Variants in ZNF778 observed in about 807,000 individuals in gnomAD.
ZNF778 encodes zinc finger protein 778.
Under a neutral mutation model 23.9 loss-of-function variants are expected in ZNF778, and 37 were observed. The observed-to-expected ratio is 1.54, with a 90% CI of 1.19 to 2.03. The LOEUF (loss-of-function observed/expected upper bound fraction) is 2.03. Ranked by LOEUF, ZNF778 falls within the 30% of genes most tolerant of loss-of-function variation. The pLI, the probability that ZNF778 is intolerant of heterozygous loss-of-function variation, is 0.00. For synonymous variants in ZNF778, 483 were observed against 343.9 expected (o/e 1.40, Z -4.48); for missense variants, 1,297 against 934.4 (o/e 1.39, Z -5.06).
chr16:89,235,996 A>T lies in ZNF778; in HGVS notation c.*7434A>T, dbSNP rs150801762. The T allele has an allele frequency of 4.0e-4, 1 of 2,470 alleles. No homozygotes were observed. 0.2% of individuals were successfully genotyped at this position (2,470 alleles called of 1,614,324 possible). ...ACACAGTGAAACCTCGTCTCTAGTAAAAAAAAAAAAAAAAAAGAAAAATAC... is the reference window on the plus strand; with the variant it reads ...ACACAGTGAAACCTCGTCTCTAGTATAAAAAAAAAAAAAAAAGAAAAATAC... On this transcript the variant is annotated 3_prime_UTR_variant, in exon 7 of 7. Coordinates refer to ENST00000433976, the MANE Select transcript of ZNF778 (RefSeq NM_001201407.2).
chr16:89,219,159 G>C (rs61124015), intron 1 of ZNF778, among the ~76,000 whole-genome samples: 14,747 of 151,782 alleles, frequency 0.097, 1,769 homozygotes, highest in African/African-American at 0.29. Flanking sequence ...TGTCTACTTT[G>C]TGTAATATCT....
chr16:89,219,517 C>T (rs1044027834), intron 1 of ZNF778, among the ~76,000 whole-genome samples: 4 of 152,038 alleles, frequency 2.6e-5, no homozygotes, highest in Non-Finnish European at 4.4e-5. Flanking sequence ...TGGTTCCAAG[C>T]CCCAGCCTAT....
At chr16:89,226,132 G>A (rs1329020671) in intron 6 of ZNF778, among the ~76,000 whole-genome samples, 1 of 151,682 alleles carries the variant, frequency 6.6e-6, no homozygotes, top group Non-Finnish European at 1.5e-5. Flanking sequence ...GGATGGTCTC[G>A]ATCTCTTGAC....
chr16:89,221,090 G>A lies in ZNF778; in HGVS notation c.-38G>A. On this transcript the variant is annotated 5_prime_UTR_variant, in exon 2 of 7. Coordinates refer to ENST00000433976, the MANE Select transcript of ZNF778 (RefSeq NM_001201407.2). ...CTGCCCTGCAGTGGCCTTGGCTTCA[G>A]GAAAGGAGCATTCAGACGCTTCCGT... 2 of 1,560,844 alleles carry A rather than the reference G, an allele frequency of 1.3e-6. No individual in the cohort carries two copies. The highest frequency in any genetic ancestry group is 8.7e-7 in the Non-Finnish European group (1 of 1,152,114).
chr16:89,230,111 C>A lies in ZNF778; in HGVS notation c.*1549C>A. The A allele has an allele frequency of 6.0e-6, 5 of 827,890 alleles. No homozygotes were observed. Among genetic ancestry groups the A allele is most frequent in the Non-Finnish European group, 7.3e-6 (5 of 687,108 alleles). 51.3% of individuals were successfully genotyped at this position (827,890 alleles called of 1,614,324 possible). A position where few individuals can be genotyped will look rare whatever the true frequency, so the allele number is the denominator to read the frequency against. Reference sequence around the variant, plus strand: ...TAGGCATGACCCACCTGTAGGGTCCCACACTGGCCAATGTTGGGGCATAAC... The same window carrying A: ...TAGGCATGACCCACCTGTAGGGTCCAACACTGGCCAATGTTGGGGCATAAC... On this transcript the variant is annotated 3_prime_UTR_variant, in exon 7 of 7. Transcript: ENST00000433976.
rs1365668599 is a variant in ZNF778 at position 89,220,431 on chromosome 16, G to T, written c.-131-566G>T. ...TCAACACTTTGGGAGGCCGAGGTGG[G>T]CGGATCACGAGGTCAGGAGATCAAG... On this transcript the variant is annotated intron_variant, in intron 1 of 6. Transcript: ENST00000433976. 5.9e-5 allele frequency among the ~76,000 whole-genome samples: 9 copies of T among 152,290 alleles called. No individual in the cohort carries two copies. In the East Asian group the frequency reaches 1.4e-3, roughly 23 times the overall value.
Position 89,228,386 on chromosome 16 carries a change from C to A in ZNF778, c.2098C>A (p.Pro700Thr), listed in dbSNP as rs547800737. Residue 700 changes from proline (P) to threonine (T), a missense_variant, in exon 7 of 7, where the codon CCC (proline) becomes ACC (threonine). Physicochemically the swap from Pro to Thr is conservative, Grantham distance 38. Transcript: ENST00000433976. ...KHGRIHTGQKPYKCKECGKAY... is the reference protein window; with the variant it reads ...KHGRIHTGQKTYKCKECGKAY... The stretch of plus-strand genomic sequence containing the variant: ...TGGAAGAATTCACACTGGGCAGAAA[C>A]CCTATAAATGTAAGGAATGTGGGAA... 3.8e-5 allele frequency: 61 copies of A among 1,613,766 alleles called. No individual in the cohort carries two copies. In the East Asian group the frequency reaches 1.1e-3, roughly 29 times the overall value.
In ZNF778 at chr16:89,233,036, ATGCAACTCAGCTCGCTCTGCG is replaced by A. The variant is rs2032040052; in HGVS notation, c.*4476_*4496del. The A allele has an allele frequency of 3.1e-6, 4 of 1,275,556 alleles. No individual in the cohort carries two copies. Among genetic ancestry groups the A allele is most frequent in the Admixed American group, 2.4e-5 (1 of 42,324 alleles). The allele number at this position is 1,275,556 out of a possible 1,614,324, so 79.0% of individuals were successfully genotyped here. ...GTATGCAACTCAAGTCGCACTGCGT[ATGCAACTCAGCTCGCTCTGCG>A]TATGCAACTCAGCTCGCACTGCGTA... is the stretch of plus-strand genomic sequence containing the variant. On this transcript the variant is annotated 3_prime_UTR_variant, in exon 7 of 7. Transcript: ENST00000433976.
Position 89,224,800 on chromosome 16 carries a change from A to G in ZNF778, c.326A>G (p.Gln109Arg). Residue 109 changes from glutamine to arginine, a missense_variant and splice_region_variant, in exon 5 of 7, where the codon CAA (glutamine) becomes CGA (arginine). Physicochemically the swap from Gln to Arg is conservative, Grantham distance 43 (BLOSUM62 1). Transcript: ENST00000433976. ...AGGGCAGGGCGGAGAGCAGTTCTCCAAGGTAAGTGTGAAGAGCACGCCTGG... is the reference window on the plus strand; with the variant it reads ...AGGGCAGGGCGGAGAGCAGTTCTCCGAGGTAAGTGTGAAGAGCACGCCTGG... The part of the protein sequence containing the change: ...ELRAGRRAVL[Q>R]EWRLKTKGPA... The G allele has an allele frequency of 8.2e-7, 1 of 1,222,744 alleles. No individual in the cohort carries two copies. Among genetic ancestry groups the G allele is most frequent in the Non-Finnish European group, 1.1e-6 (1 of 904,732 alleles). 75.7% of individuals were successfully genotyped at this position (1,222,744 alleles called of 1,614,324 possible). A position where few individuals can be genotyped will look rare whatever the true frequency, so the allele number is the denominator to read the frequency against.
Position 89,232,745 on chromosome 16 carries a change from T to C in ZNF778, c.*4183T>C. 7.8e-7 allele frequency: 1 copy of C among 1,284,636 alleles called. No homozygotes were observed. Among genetic ancestry groups the C allele is most frequent in the Non-Finnish European group, 1.0e-6 (1 of 985,084 alleles). The allele number at this position is 1,284,636 out of a possible 1,614,324, so 79.6% of individuals were successfully genotyped here. A position where few individuals can be genotyped will look rare whatever the true frequency, so the allele number is the denominator to read the frequency against. ...TCATTCCTAAAGATGGTAAACAACT[T>C]GCTGGAAACATGCACTGCATATACA... is the stretch of plus-strand genomic sequence containing the variant. On this transcript the variant is annotated 3_prime_UTR_variant, in exon 7 of 7. Transcript: ENST00000433976.
chr16:89,225,487 C>T, intron 5 of ZNF778, 68 bp from the exon 6 acceptor site: 2 of 1,268,274 alleles, frequency 1.6e-6, no homozygotes, highest in East Asian at 2.5e-5. Context: ...TTTTTTTCTG[C>T]CATGTCTTAT....
chr16:89,228,525 A>T lies in ZNF778; in HGVS notation c.2237A>T (p.His746Leu), dbSNP rs374950204. The T allele has an allele frequency of 6.2e-7, 1 of 1,600,452 alleles. No individual in the cohort carries two copies. Among genetic ancestry groups the T allele is most frequent in the South Asian group, 1.1e-5 (1 of 88,364 alleles). ...TTTAAGAATTCCTCATGCCTTAACC[A>T]TCACACTCAAATTCACACTGATGAG... is the stretch of plus-strand genomic sequence containing the variant. ...KSFKNSSCLNHHTQIHTDEKP... is the reference protein window; with the variant it reads ...KSFKNSSCLNLHTQIHTDEKP... The change falls in exon 7 of 7, where the codon CAT becomes CTT. Residue 746 changes from histidine (H) to leucine (L), a missense_variant. Transcript: ENST00000433976.
In ZNF778 at chr16:89,234,056, T is replaced by A; in HGVS notation, c.*5494T>A. 1 of 754,042 alleles carries A rather than the reference T, an allele frequency of 1.3e-6. No homozygotes were observed. The highest frequency in any genetic ancestry group is 1.8e-5 in the African/African-American group (1 of 55,730). The allele number at this position is 754,042 out of a possible 1,614,324, so 46.7% of individuals were successfully genotyped here. A position where few individuals can be genotyped will look rare whatever the true frequency, so the allele number is the denominator to read the frequency against. On this transcript the variant is annotated 3_prime_UTR_variant, in exon 7 of 7. Transcript: ENST00000433976. The stretch of plus-strand genomic sequence containing the variant: ...TCCCCTGGCTCTGACTTCTGCCTCC[T>A]GCCCAGCTCTGCAGCTCCCCTTGGG...
At chr16:89,224,895 C>A (rs2031327670) in intron 5 of ZNF778, 93 bp downstream of exon 5, 2 of 943,518 alleles carry the variant, frequency 2.1e-6, no homozygotes, top group South Asian at 1.4e-5. Flanking sequence ...AGGATTGTGT[C>A]AAGTTAAGCG....
At chr16:89,220,723 C>T (rs2030849933) in intron 1 of ZNF778, among the ~76,000 whole-genome samples, 1 of 152,176 alleles carries the variant, frequency 6.6e-6, no homozygotes, top group African/African-American at 2.4e-5. Flanking sequence ...TTCACCACTT[C>T]CTAAGTGGAT....
intron 2 of ZNF778, 38 bp from the exon 3 acceptor site, chr16:89,222,054 C>T (rs377187149): frequency 8.0e-6 from 12 of 1,495,250 alleles, no homozygotes; most frequent in South Asian, 2.4e-5. Flanking sequence ...AGGGTCAGCT[C>T]TGGGTTCTCA....
rs2030879536 is a variant in ZNF778, at chr16:89,221,001, T to C, written c.-127T>C. 2.0e-6 allele frequency: 2 copies of C among 981,228 alleles called. No homozygotes were observed. The highest frequency in any genetic ancestry group is 3.2e-5 in the African/African-American group (2 of 61,606). 60.8% of individuals were successfully genotyped at this position (981,228 alleles called of 1,614,324 possible). Reference sequence around the variant, plus strand: ...CTTCTTCATCATGATTGCTAGGAAATAGGGATCCAGCCATCCGTGGGTCAG... The same window carrying C: ...CTTCTTCATCATGATTGCTAGGAAACAGGGATCCAGCCATCCGTGGGTCAG... On this transcript the variant is annotated 5_prime_UTR_variant, in exon 2 of 7. Coordinates refer to ENST00000433976, the MANE Select transcript of ZNF778 (RefSeq NM_001201407.2).
chr16:89,221,110 T>G lies in ZNF778; in HGVS notation c.-18T>G. ...CTTCAGGAAAGGAGCATTCAGACGC[T>G]TCCGTCAGCCTCCCAGGATGGCAGC... On this transcript the variant is annotated 5_prime_UTR_variant, in exon 2 of 7. Coordinates refer to ENST00000433976, the MANE Select transcript of ZNF778 (RefSeq NM_001201407.2). The G allele has an allele frequency of 6.4e-7, 1 of 1,565,966 alleles. No individual in the cohort carries two copies. The highest frequency in any genetic ancestry group is 8.7e-7 in the Non-Finnish European group (1 of 1,154,898).
chr16:89,228,652 A>G lies in ZNF778; in HGVS notation c.*90A>G. The G allele has an allele frequency of 6.6e-7, 1 of 1,511,552 alleles. No homozygotes were observed. Among genetic ancestry groups the G allele is most frequent in the Non-Finnish European group, 8.8e-7 (1 of 1,136,234 alleles). 93.6% of individuals were successfully genotyped at this position (1,511,552 alleles called of 1,614,324 possible). A position where few individuals can be genotyped will look rare whatever the true frequency, so the allele number is the denominator to read the frequency against. ...TTCTCCAGATGTCCATGACTTGAGG[A>G]ATGTGGCTAGGCAATCAGCATCTCA... On this transcript the variant is annotated 3_prime_UTR_variant, in exon 7 of 7. Transcript: ENST00000433976.
Sources: allele counts gnomAD v4.1 joint callset (sites outside exome capture counted in the v4.1 genomes callset), GRCh38; gene constraint gnomAD v4.1.1; transcripts MANE v1.5; gene names NCBI Gene and HGNC (gene_info 2026-07-23, HGNC 2026-07-21).